The following NRXN3 variants were observed in gnomAD, a reference collection of about 807,000 sequenced individuals.
NRXN3 encodes neurexin 3.
Under a neutral mutation model 137.6 loss-of-function variants are expected in NRXN3, and 32 were observed. That is an observed-to-expected ratio of 0.23 (90% CI 0.18 to 0.31). NRXN3 has a LOEUF of 0.31. NRXN3 is among the 10% of genes least tolerant of loss of function. The pLI is 1.00. For synonymous variants in NRXN3, 798 were observed against 784.5 expected (o/e 1.02, Z -0.29); for missense variants, 1,574 against 2,062.5 (o/e 0.76, Z 4.59).
At chr14:79,671,271 C>T (rs899982318) in intron 17 of NRXN3, among the ~76,000 whole-genome samples, 1 of 152,148 alleles carries the variant, frequency 6.6e-6, no homozygotes, top group Non-Finnish European at 1.5e-5. Context: ...TTTAATCACA[C>T]TCTGCTCCTT....
intron 19 of NRXN3, among the ~76,000 whole-genome samples, chr14:79,758,367 G>A (rs2099026977): frequency 6.6e-6 from 1 of 152,242 alleles, no homozygotes; most frequent in Admixed American, 6.5e-5. Flanking sequence ...TGGCAGAAGG[G>A]GAAGGAGAGC....
rs1410866343 is a variant in NRXN3 at position 79,540,256 on chromosome 14, TG to T, written c.3444+72857del. The stretch of plus-strand genomic sequence containing the variant: ...TATTCAGCTTGCATTTATTATGTGC[TG>T]GGTATTATGCATATAAATATTTTCT... On this transcript the variant is annotated intron_variant, in intron 16 of 20. Coordinates refer to ENST00000335750, the MANE Select transcript of NRXN3 (RefSeq NM_001330195.2). Among the ~76,000 whole-genome samples the T allele has an allele frequency of 2.6e-5, 4 of 151,968 alleles. No homozygotes were observed. The South Asian group carries it at 6.2e-4, about 24-fold the overall frequency.
intron 15 of NRXN3, among the ~76,000 whole-genome samples, chr14:79,416,583 T>C (rs2095500425): frequency 6.6e-6 from 1 of 152,164 alleles, no homozygotes; most frequent in Non-Finnish European, 1.5e-5. Context: ...TTAGGTTCTT[T>C]AGAATTTGGC....
At chr14:79,831,485 A>G (rs980252969) in intron 20 of NRXN3, among the ~76,000 whole-genome samples, 3 of 152,216 alleles carry the variant, frequency 2.0e-5, no homozygotes, top group Non-Finnish European at 2.9e-5. Context: ...ATGAGAACTC[A>G]CAATGTATCC....
At chr14:78,828,542 G>T (rs543073530) in intron 10 of NRXN3, among the ~76,000 whole-genome samples, 1 of 152,302 alleles carries the variant, frequency 6.6e-6, no homozygotes, top group East Asian at 1.9e-4. Flanking sequence ...TTATTGGTAA[G>T]GCTGAGTTCC....
intron 4 of NRXN3, among the ~76,000 whole-genome samples, chr14:78,617,120 A>G (rs548685790): frequency 6.6e-6 from 1 of 152,294 alleles, no homozygotes; most frequent in Non-Finnish European, 1.5e-5. Context: ...AAGCCCTGAT[A>G]TGTATATATA....
At chr14:79,385,211 G>C (rs12896048) in intron 15 of NRXN3, among the ~76,000 whole-genome samples, 60,168 of 95,530 alleles carry the variant, frequency 0.63, 17,465 homozygotes, top group Middle Eastern at 0.82. Flanking sequence ...CCTTCCCCCC[G>C]CCCCCACCCC....
chr14:78,323,689 C>T (rs1323949081), intron 4 of NRXN3, among the ~76,000 whole-genome samples: 1 of 151,976 alleles, frequency 6.6e-6, no homozygotes, highest in Non-Finnish European at 1.5e-5. Context: ...TAGGCCCTCC[C>T]ATCTGTACGA....
chr14:79,357,449 CAATCA>C (rs1004987098), intron 15 of NRXN3, among the ~76,000 whole-genome samples: 4 of 152,050 alleles, frequency 2.6e-5, no homozygotes, highest in African/African-American at 9.7e-5. Context: ...TCAGGGTGGC[CAATCA>C]TTTAAGTTTT....
rs1202661992 is a variant in NRXN3, at chr14:79,064,765, ATATG to A, written c.3262+76630_3262+76633del. Among the ~76,000 whole-genome samples the A allele has an allele frequency of 6.9e-5, 10 of 144,678 alleles. No homozygotes were observed. The East Asian group carries it at 2.0e-3, about 29-fold the overall frequency. 94.9% of individuals were successfully genotyped at this position (144,678 alleles called of 152,430 possible). On this transcript the variant is annotated intron_variant, in intron 15 of 20. Coordinates refer to ENST00000335750, the MANE Select transcript of NRXN3 (RefSeq NM_001330195.2). ...TATATATATATATAATTACCCATATATATGTATGTGTGTATATATATATAATTAC... is the reference window on the plus strand; with the variant it reads ...TATATATATATATAATTACCCATATATATGTGTGTATATATATATAATTAC...
At chr14:79,815,172 T>C (rs946968994) in intron 20 of NRXN3, among the ~76,000 whole-genome samples, 1 of 152,218 alleles carries the variant, frequency 6.6e-6, no homozygotes, top group African/African-American at 2.4e-5. Flanking sequence ...TGTTGGACTC[T>C]ACCTGTGATT....
chr14:79,196,638 T>TATAGATAG (rs74878655), intron 15 of NRXN3, among the ~76,000 whole-genome samples: 12,618 of 151,576 alleles, frequency 0.083, 669 homozygotes, highest in Non-Finnish European at 0.12. Flanking sequence ...CTGTGATTGA[T>TATAGATAG]ATAGATAGAT....
At chr14:79,582,300 G>A (rs961371094) in intron 16 of NRXN3, among the ~76,000 whole-genome samples, 1 of 152,026 alleles carries the variant, frequency 6.6e-6, no homozygotes, top group Non-Finnish European at 1.5e-5. Context: ...AGCTCACAAG[G>A]GTTAAATAAT....
At chr14:79,190,332 T>C (rs2064123967) in intron 15 of NRXN3, among the ~76,000 whole-genome samples, 4 of 152,188 alleles carry the variant, frequency 2.6e-5, no homozygotes, top group Admixed American at 2.6e-4. Flanking sequence ...TGTATCTATA[T>C]CTACTCTCTT....
intron 4 of NRXN3, among the ~76,000 whole-genome samples, chr14:78,492,296 G>A (rs1327792435): frequency 6.6e-6 from 1 of 151,540 alleles, no homozygotes; most frequent in African/African-American, 2.4e-5. Context: ...ATTGAGAAGT[G>A]GACTGCCAAA....
At chr14:78,677,863 A>C (rs10152047) in intron 6 of NRXN3, among the ~76,000 whole-genome samples, 3 of 152,180 alleles carry the variant, frequency 2.0e-5, no homozygotes, top group Non-Finnish European at 4.4e-5. Context: ...CAGACCCTAC[A>C]CCAGCAAAAA....
intron 15 of NRXN3, among the ~76,000 whole-genome samples, chr14:79,317,665 T>C (rs2089128714): frequency 6.6e-6 from 1 of 152,198 alleles, no homozygotes; most frequent in African/African-American, 2.4e-5. Context: ...TTCTGCTAGA[T>C]GATGACAAGT....
At chr14:79,152,653 A>G (rs2059908472) in intron 15 of NRXN3, among the ~76,000 whole-genome samples, 1 of 151,996 alleles carries the variant, frequency 6.6e-6, no homozygotes, top group African/African-American at 2.4e-5. Context: ...ACTGCTGTTT[A>G]TAAAACCATC....
chr14:78,402,806 T>TA (rs1341823577), intron 4 of NRXN3, among the ~76,000 whole-genome samples: 8 of 152,200 alleles, frequency 5.3e-5, no homozygotes, highest in Non-Finnish European at 1.2e-4. Context: ...ATTTGGGGGC[T>TA]ACTAAATAAG....
Sources: allele counts gnomAD v4.1 joint callset (sites outside exome capture counted in the v4.1 genomes callset), GRCh38; gene constraint gnomAD v4.1.1; transcripts MANE v1.5; gene names NCBI Gene and HGNC (gene_info 2026-07-23, HGNC 2026-07-21).